The following REV3L variants were observed in gnomAD, a reference collection of about 807,000 sequenced individuals.
REV3L encodes DNA polymerase zeta catalytic subunit.
In REV3L, 69 loss-of-function variants were observed where a neutral mutation model predicts 299.4. That is an observed-to-expected ratio of 0.23 (90% confidence interval 0.19 to 0.28). The LOEUF is 0.28. Among genes scored for constraint, REV3L ranks in the 10% least tolerant of loss-of-function variants. The pLI is 1.00. For missense variants in REV3L, 3,128 were observed against 3,693.8 expected (o/e 0.85, Z 3.97); for synonymous variants, 1,238 against 1,271.4 (o/e 0.97, Z 0.56).
intron 3 of REV3L, among the ~76,000 whole-genome samples, chr6:111,405,913 A>T (rs928072836): frequency 3.3e-5 from 5 of 152,286 alleles, no homozygotes; most frequent in East Asian, 3.9e-4. Context: ...TTAAAATAAA[A>T]TTTTTCTTTT....
rs377331358 is a variant in REV3L, at chr6:111,367,674, G to A, written c.6114C>T (p.Ser2038=). The A allele has an allele frequency of 6.2e-7, 1 of 1,614,190 alleles. No homozygotes were observed. The highest frequency in any genetic ancestry group is 8.5e-7 in the Non-Finnish European group (1 of 1,180,032). ...TGVVKSAENF[S]SSVNPDDKPV... is the part of the protein sequence containing the mutation. ...GTTTGTCATCTGGGTTAACTGAAGA[G>A]CTAAAGTTCTCAGCAGATTTTACAA... The change falls in exon 14 of 32, where the codon AGC becomes AGT. Residue 2038 remains serine, a synonymous_variant. Coordinates refer to ENST00000368802, the MANE Select transcript of REV3L (RefSeq NM_001372078.1).
chr6:111,447,567 G>A (rs1479947202), intron 1 of REV3L, among the ~76,000 whole-genome samples: 1 of 152,158 alleles, frequency 6.6e-6, no homozygotes, highest in African/African-American at 2.4e-5. Flanking sequence ...GTCAGGGGTT[G>A]GCATAAGGTA....
At chr6:111,365,949 G>C (rs375541630) in intron 14 of REV3L, among the ~76,000 whole-genome samples, 1 of 152,150 alleles carries the variant, frequency 6.6e-6, no homozygotes, top group Non-Finnish European at 1.5e-5. Flanking sequence ...TTTGGCCTAA[G>C]GTTGTGGTGG....
intron 27 of REV3L, among the ~76,000 whole-genome samples, chr6:111,314,472 G>A (rs1471221219): frequency 2.6e-5 from 4 of 152,136 alleles, no homozygotes; most frequent in East Asian, 1.9e-4. Context: ...AAGCAGCCCC[G>A]GTGAAAGGCC....
At position 111,381,384 on chromosome 6, in the gene REV3L, A is replaced by T; in HGVS notation, c.1157T>A (p.Met386Lys). Residue 386 changes from methionine to lysine, a missense_variant, in exon 10 of 32, where the codon ATG (methionine) becomes AAG (lysine). By Grantham distance (95) the Met-to-Lys change is moderately conservative. Transcript: ENST00000368802. ...AGGCTGAAAAGTCTGACTATTTTCCATAAGGTTCAAAATTGCTTCTTCATT... is the reference window on the plus strand; with the variant it reads ...AGGCTGAAAAGTCTGACTATTTTCCTTAAGGTTCAAAATTGCTTCTTCATT... ...LINEEAILNL[M>K]ENSQTFQPLT... 1 of 1,613,698 alleles carries T rather than the reference A, an allele frequency of 6.2e-7. No homozygotes were observed.
At chr6:111,410,728 C>T (rs536207971) in intron 3 of REV3L, among the ~76,000 whole-genome samples, 7 of 152,270 alleles carry the variant, frequency 4.6e-5, no homozygotes, top group South Asian at 4.1e-4. Context: ...TCTGGGCAGT[C>T]GTGCCCCCTG....
chr6:111,455,241 T>C (rs951198197), intron 1 of REV3L, among the ~76,000 whole-genome samples: 1 of 152,134 alleles, frequency 6.6e-6, no homozygotes. Flanking sequence ...AATTCACCAG[T>C]AGAAAAGGCC....
intron 1 of REV3L, among the ~76,000 whole-genome samples, chr6:111,466,439 G>T (rs1287225223): frequency 1.3e-5 from 2 of 152,122 alleles, no homozygotes; most frequent in Admixed American, 1.3e-4. Context: ...TTTTCTCTAA[G>T]AAGTCACTGA....
At chr6:111,365,461 T>G in intron 14 of REV3L, 117 bp from the exon 15 acceptor site, 2 of 443,554 alleles carry the variant, frequency 4.5e-6, no homozygotes, top group Non-Finnish European at 3.9e-6. Flanking sequence ...GTCCTATGAA[T>G]TCCCCCCAGA....
intron 4 of REV3L, among the ~76,000 whole-genome samples, chr6:111,403,217 T>C (rs554472368): frequency 6.6e-6 from 1 of 152,288 alleles, no homozygotes; most frequent in African/African-American, 2.4e-5. Flanking sequence ...ATTAGTAAGG[T>C]TGCTCAGGAG....
intron 4 of REV3L, among the ~76,000 whole-genome samples, chr6:111,399,196 ACT>A (rs1174737383): frequency 6.6e-6 from 1 of 152,076 alleles, no homozygotes; most frequent in Middle Eastern, 3.2e-3. Context: ...TACTCTAGAA[ACT>A]CTTCCATTCC....
chr6:111,454,665 G>GT (rs1426682881), intron 1 of REV3L, among the ~76,000 whole-genome samples: 3 of 151,840 alleles, frequency 2.0e-5, no homozygotes, highest in Non-Finnish European at 2.9e-5. Flanking sequence ...TCCTTCCTGA[G>GT]TTTTTTCTAA....
chr6:111,332,293 G>A (rs541881155), intron 23 of REV3L, among the ~76,000 whole-genome samples: 3 of 152,146 alleles, frequency 2.0e-5, no homozygotes, highest in East Asian at 1.9e-4. Context: ...GGATGGTCTC[G>A]ATCTCCTAAC....
intron 1 of REV3L, among the ~76,000 whole-genome samples, chr6:111,468,932 G>A (rs1042564914): frequency 1.3e-4 from 20 of 152,112 alleles, no homozygotes; most frequent in Non-Finnish European, 2.9e-4. Context: ...GGGCTGAGGC[G>A]GGTGAATCAT....
intron 1 of REV3L, among the ~76,000 whole-genome samples, chr6:111,442,727 G>T (rs1202677232): frequency 6.6e-6 from 1 of 152,098 alleles, no homozygotes; most frequent in African/African-American, 2.4e-5. Context: ...AAAAATTTTA[G>T]ATTCAATTCT....
chr6:111,358,188 G>A (rs1778290696), intron 17 of REV3L, among the ~76,000 whole-genome samples: 1 of 152,066 alleles, frequency 6.6e-6, no homozygotes, highest in African/African-American at 2.4e-5. Flanking sequence ...ATATTATTTA[G>A]AAAGAAAGAT....
chr6:111,415,582 C>A (rs1032076372), intron 2 of REV3L, among the ~76,000 whole-genome samples: 3 of 152,130 alleles, frequency 2.0e-5, no homozygotes, highest in Non-Finnish European at 4.4e-5. Context: ...GGAAACCACA[C>A]TTTGAGAATC....
Position 111,315,381 on chromosome 6 carries a change from AC to A in REV3L, c.8352-1del. ...TGGCTCCTTTCAGTAGCACAAACAT[AC>A]TAAGGGGATTAAAAATAAAGTAAGG... On this transcript the variant is annotated splice_acceptor_variant, in intron 26 of 31. Coordinates refer to ENST00000368802, the MANE Select transcript of REV3L (RefSeq NM_001372078.1). LOFTEE classifies it high-confidence loss of function. The A allele has an allele frequency of 6.2e-7, 1 of 1,610,220 alleles. No individual in the cohort carries two copies. The highest frequency in any genetic ancestry group is 8.5e-7 in the Non-Finnish European group (1 of 1,177,698).
At chr6:111,340,974 G>A (rs1471510850) in intron 21 of REV3L, among the ~76,000 whole-genome samples, 1 of 150,486 alleles carries the variant, frequency 6.6e-6, no homozygotes, top group East Asian at 1.9e-4. Context: ...ACAAACCACT[G>A]AATATAGTTT....
Sources: allele counts gnomAD v4.1 joint callset (sites outside exome capture counted in the v4.1 genomes callset), GRCh38; gene constraint gnomAD v4.1.1; transcripts MANE v1.5; gene names NCBI Gene and HGNC (gene_info 2026-07-23, HGNC 2026-07-21).